Variants in NELL1 observed in about 807,000 individuals in gnomAD.
NELL1 encodes neural EGFL like 1.
NELL1 carries 76 observed loss-of-function variants against 107.4 expected under a neutral mutation model. That is an observed-to-expected ratio of 0.71 (90% confidence interval 0.59 to 0.86). The LOEUF is 0.86. Among genes scored for constraint, NELL1 ranks in the 40% least tolerant of loss-of-function variants. The pLI is 0.00. For missense variants in NELL1, 1,024 were observed against 1,005.5 expected (o/e 1.02, Z -0.25); for synonymous variants, 353 against 341.2 (o/e 1.03, Z -0.38).
At chr11:21,352,449 C>A (rs887842808) in intron 14 of NELL1, among the ~76,000 whole-genome samples, 1 of 151,980 alleles carries the variant, frequency 6.6e-6, no homozygotes, top group South Asian at 2.1e-4. Context: ...TTTTTTTTAA[C>A]TGGGAAATTC....
chr11:21,198,805 T>C (rs1023747677), intron 13 of NELL1, among the ~76,000 whole-genome samples: 1 of 152,158 alleles, frequency 6.6e-6, no homozygotes, highest in African/African-American at 2.4e-5. Context: ...CTAACTCCTA[T>C]ACAATCCTTT....
chr11:21,042,168 G>GA (rs1853251231), intron 12 of NELL1, among the ~76,000 whole-genome samples: 1 of 151,896 alleles, frequency 6.6e-6, no homozygotes, highest in Non-Finnish European at 1.5e-5. Context: ...TATTATAAAC[G>GA]AAAAACAAAA....
chr11:20,829,237 T>G (rs1044071896), intron 3 of NELL1, among the ~76,000 whole-genome samples: 1 of 149,682 alleles, frequency 6.7e-6, no homozygotes, highest in Non-Finnish European at 1.5e-5. Flanking sequence ...TTTTTTTTTT[T>G]TTTTTTTGAG....
intron 3 of NELL1, among the ~76,000 whole-genome samples, chr11:20,818,475 G>A (rs1021566304): frequency 1.6e-5 from 2 of 128,464 alleles, no homozygotes; most frequent in African/African-American, 6.0e-5. Flanking sequence ...TGAGTAGTTT[G>A]TCCAAAGTCA....
At chr11:21,187,272 G>A (rs1856954743) in intron 13 of NELL1, among the ~76,000 whole-genome samples, 1 of 151,788 alleles carries the variant, frequency 6.6e-6, no homozygotes, top group Non-Finnish European at 1.5e-5. Flanking sequence ...AAGAAGACAG[G>A]AGAACATGAA....
At chr11:20,862,454 C>T (rs952911536) in intron 4 of NELL1, among the ~76,000 whole-genome samples, 1 of 152,120 alleles carries the variant, frequency 6.6e-6, no homozygotes, top group African/African-American at 2.4e-5. Flanking sequence ...TACTATGACA[C>T]ATTATTACCA....
chr11:21,536,983 G>C (rs546417809), intron 16 of NELL1, among the ~76,000 whole-genome samples: 2 of 152,288 alleles, frequency 1.3e-5, no homozygotes, highest in African/African-American at 2.4e-5. Context: ...TCTACAACCT[G>C]ATCCCTGTTT....
chr11:21,224,983 C>G lies in NELL1; in HGVS notation c.1427-4349C>G, dbSNP rs114161747. On this transcript the variant is annotated intron_variant, in intron 13 of 19. Coordinates refer to ENST00000357134, the MANE Select transcript of NELL1 (RefSeq NM_006157.5). ...CTTCATTTGCTTTTGTGTGTTGGCT[C>G]CCTCTGTCCTGGGGTAAGCCTCTTT... Among the ~76,000 whole-genome samples, 730 of 152,178 alleles carry G rather than the reference C, an allele frequency of 4.8e-3. 6 individuals are homozygous for G. The highest frequency in any genetic ancestry group is 0.017 in the African/African-American group (702 of 41,530).
At chr11:20,949,391 T>C (rs372693695) in intron 11 of NELL1, among the ~76,000 whole-genome samples, 21 of 152,324 alleles carry the variant, frequency 1.4e-4, no homozygotes, top group African/African-American at 5.1e-4. Flanking sequence ...ATGGCTATAT[T>C]ATCTGCAGCT....
intron 3 of NELL1, among the ~76,000 whole-genome samples, chr11:20,786,877 G>A (rs185366628): frequency 1.9e-4 from 29 of 151,626 alleles, no homozygotes; most frequent in Non-Finnish European, 1.8e-4. Flanking sequence ...GCATGGTGGC[G>A]GGCGCCTGTA....
Position 21,072,768 on chromosome 11 carries a change from A to G in NELL1, c.1301-40821A>G, listed in dbSNP as rs984955537. On this transcript the variant is annotated intron_variant, in intron 12 of 19. Coordinates refer to ENST00000357134, the MANE Select transcript of NELL1 (RefSeq NM_006157.5). ...ATAATGAGACTTGGCTGCCTCAGGC[A>G]GTATCAGTAAGGAATAACATGCCCT... Among the ~76,000 whole-genome samples the G allele has an allele frequency of 2.0e-5, 3 of 152,218 alleles. No homozygotes were observed. In the East Asian group the frequency reaches 5.8e-4, roughly 29 times the overall value.
At chr11:20,982,235 G>C (rs137988412) in intron 12 of NELL1, among the ~76,000 whole-genome samples, 4 of 152,074 alleles carry the variant, frequency 2.6e-5, no homozygotes, top group African/African-American at 9.7e-5. Context: ...GAGAATTCAC[G>C]TTCACTCAAA....
In NELL1 at chr11:21,370,937, A is replaced by T. The variant is rs1330022349; in HGVS notation, c.1634A>T (p.His545Leu). ...CVCPSGFTGS[H>L]CEKDIDECSE... ...TGTCCATCTGGATTCACAGGAAGCCACTGCGAGAAAGGTAATCTAGCTTGT... is the reference window on the plus strand; with the variant it reads ...TGTCCATCTGGATTCACAGGAAGCCTCTGCGAGAAAGGTAATCTAGCTTGT... The change falls in exon 15 of 20, where the codon CAC becomes CTC. Residue 545 changes from histidine to leucine, a missense_variant. Transcript: ENST00000357134. 6.2e-7 allele frequency: 1 copy of T among 1,610,676 alleles called. No individual in the cohort carries two copies.
intron 15 of NELL1, among the ~76,000 whole-genome samples, chr11:21,485,898 G>T (rs997843187): frequency 4.3e-4 from 66 of 152,088 alleles, no homozygotes; most frequent in Non-Finnish European, 7.9e-4. Context: ...CTTTTCCCAG[G>T]GTTTGAGGTT....
At position 20,751,525 on chromosome 11, in the gene NELL1, G is replaced by C. The variant is rs186975250; in HGVS notation, c.185-32155G>C. The stretch of plus-strand genomic sequence containing the variant: ...GGGGTCTCACTCTGTTGCCCAGGCC[G>C]GAGTGTGATGGCATGACCATGGCTT... On this transcript the variant is annotated intron_variant, in intron 2 of 19. Coordinates refer to ENST00000357134, the MANE Select transcript of NELL1 (RefSeq NM_006157.5). Among the ~76,000 whole-genome samples, 24 of 152,098 alleles carry C rather than the reference G, an allele frequency of 1.6e-4. No homozygotes were observed. In the East Asian group the frequency reaches 4.1e-3, roughly 26 times the overall value.
intron 3 of NELL1, among the ~76,000 whole-genome samples, chr11:20,814,727 G>A (rs1463796390): frequency 6.6e-6 from 1 of 152,130 alleles, no homozygotes; most frequent in Non-Finnish European, 1.5e-5. Flanking sequence ...TTGATTCTAT[G>A]TCTTTGCTGT....
chr11:21,565,595 C>T (rs1037752796), intron 17 of NELL1, among the ~76,000 whole-genome samples: 6 of 151,758 alleles, frequency 4.0e-5, no homozygotes, highest in African/African-American at 1.5e-4. Flanking sequence ...AAACTTTTGC[C>T]CCAAGAATAC....
rs370259419 is a variant in NELL1, at chr11:21,174,689, C to T, written c.1427-54643C>T. Among the ~76,000 whole-genome samples, 4 of 151,690 alleles carry T rather than the reference C, an allele frequency of 2.6e-5. No individual in the cohort carries two copies. In the East Asian group the frequency reaches 7.7e-4, roughly 29 times the overall value. The stretch of plus-strand genomic sequence containing the variant: ...CATCCTGGTTTGAGACTGCTTTAGA[C>T]CCACTATTCTTAGTCATTTTTGTGT... On this transcript the variant is annotated intron_variant, in intron 13 of 19. Transcript: ENST00000357134.
intron 15 of NELL1, among the ~76,000 whole-genome samples, chr11:21,496,401 T>C (rs1854979640): frequency 1.3e-5 from 2 of 150,172 alleles, no homozygotes; most frequent in African/African-American, 4.9e-5. Context: ...ATTTTTATTC[T>C]TCTCTTGTTT....
Sources: allele counts gnomAD v4.1 joint callset (sites outside exome capture counted in the v4.1 genomes callset), GRCh38; gene constraint gnomAD v4.1.1; transcripts MANE v1.5; gene names NCBI Gene and HGNC (gene_info 2026-07-23, HGNC 2026-07-21).